CNTN5: variants seen among roughly 807,000 people sequenced by gnomAD.
The protein encoded by CNTN5 is contactin-5.
In CNTN5, 77 loss-of-function variants were observed where a neutral mutation model predicts 129.1. That is an observed-to-expected ratio of 0.60 (90% CI 0.50 to 0.72). CNTN5 has a LOEUF of 0.72. CNTN5 is among the 30% of genes least tolerant of loss of function. The pLI is 0.00. For synonymous variants in CNTN5, 509 were observed against 465.6 expected, an observed-to-expected ratio of 1.09 and a Z score of -1.20; for missense variants, 1,478 against 1,328.8, an observed-to-expected ratio of 1.11 and a Z score of -1.75.
At chr11:99,574,465 C>T (rs566968591) in intron 3 of CNTN5, among the ~76,000 whole-genome samples, 7 of 152,186 alleles carry the variant, frequency 4.6e-5, no homozygotes, top group Non-Finnish European at 7.3e-5. Context: ...GGTTCCAGAT[C>T]CTTGAGGAAT....
chr11:100,308,878 G>A, intron 21 of CNTN5: 2 of 984,116 alleles, frequency 2.0e-6, no homozygotes, highest in African/African-American at 1.7e-5. Flanking sequence ...ATCAAATTTT[G>A]CTTGGAATTT....
At chr11:100,244,762 T>C (rs1949809925) in intron 16 of CNTN5, among the ~76,000 whole-genome samples, 1 of 152,162 alleles carries the variant, frequency 6.6e-6, no homozygotes, top group Non-Finnish European at 1.5e-5. Context: ...TATTGGAAAA[T>C]TTTCAATCAT....
At chr11:99,926,686 G>T (rs1454394416) in intron 7 of CNTN5, among the ~76,000 whole-genome samples, 3 of 151,986 alleles carry the variant, frequency 2.0e-5, no homozygotes, top group African/African-American at 4.8e-5. Flanking sequence ...AAAAGTAATT[G>T]TTCCAAAAAT....
At chr11:99,200,068 T>G (rs1859097140) in intron 1 of CNTN5, among the ~76,000 whole-genome samples, 1 of 152,210 alleles carries the variant, frequency 6.6e-6, no homozygotes, top group South Asian at 2.1e-4. Flanking sequence ...ATTACCTAAA[T>G]TTGTTTAGTC....
intron 15 of CNTN5, 58 bp downstream of exon 15, chr11:100,193,721 A>G (rs1353351810): frequency 2.7e-6 from 4 of 1,476,238 alleles, no homozygotes; most frequent in Non-Finnish European, 2.8e-6. Context: ...TTTGAATCAA[A>G]TGTAAGACCT....
chr11:99,405,972 G>T (rs4754620), intron 2 of CNTN5, among the ~76,000 whole-genome samples: 218 of 220 alleles, frequency 0.99, 109 homozygotes, highest in Non-Finnish European at 1. Flanking sequence ...CGAATGGCTT[G>T]GAGTTTCCTC....
chr11:99,775,163 A>C (rs1236422203), intron 3 of CNTN5, among the ~76,000 whole-genome samples: 1 of 152,148 alleles, frequency 6.6e-6, no homozygotes, highest in African/African-American at 2.4e-5. Context: ...ATGCTTAGCC[A>C]TAAAAAGATT....
At chr11:100,133,709 G>A (rs1946444851) in intron 13 of CNTN5, among the ~76,000 whole-genome samples, 1 of 152,058 alleles carries the variant, frequency 6.6e-6, no homozygotes, top group South Asian at 2.1e-4. Flanking sequence ...GCAACAGTGA[G>A]CTTGACCCCC....
chr11:99,526,869 A>T (rs1947507094), intron 2 of CNTN5, among the ~76,000 whole-genome samples: 1 of 152,218 alleles, frequency 6.6e-6, no homozygotes, highest in Non-Finnish European at 1.5e-5. Flanking sequence ...CTGCTGCTAG[A>T]ATTGCTTTCC....
At chr11:99,494,883 G>C (rs1946166979) in intron 2 of CNTN5, among the ~76,000 whole-genome samples, 1 of 152,030 alleles carries the variant, frequency 6.6e-6, no homozygotes, top group Admixed American at 6.6e-5. Flanking sequence ...AACAGTATCT[G>C]TTCATTTTTT....
At chr11:99,818,543 G>A (rs545801428) in intron 3 of CNTN5, among the ~76,000 whole-genome samples, 106 of 151,394 alleles carry the variant, frequency 7.0e-4, no homozygotes, top group South Asian at 2.5e-3. Flanking sequence ...GGCATGAGCC[G>A]ACGTGCCTGG....
chr11:100,295,119 C>T (rs580605), intron 18 of CNTN5, among the ~76,000 whole-genome samples: 13 of 151,552 alleles, frequency 8.6e-5, no homozygotes, highest in South Asian at 2.1e-4. Context: ...TATTAAAACA[C>T]GGTGAGCCAT....
intron 3 of CNTN5, among the ~76,000 whole-genome samples, chr11:99,591,234 C>A (rs2135667566): frequency 6.6e-6 from 1 of 152,218 alleles, no homozygotes; most frequent in East Asian, 1.9e-4. Flanking sequence ...CAAATTTAAA[C>A]CCCTGCTAAC....
chr11:100,346,667 A>G (rs1952289437), intron 23 of CNTN5, among the ~76,000 whole-genome samples: 1 of 152,218 alleles, frequency 6.6e-6, no homozygotes, highest in East Asian at 1.9e-4. Flanking sequence ...CCTTCACCAA[A>G]TATCTCCCCT....
Position 99,529,768 on chromosome 11 carries a change from TA to T in CNTN5, c.-70-26370del, listed in dbSNP as rs576959662. Among the ~76,000 whole-genome samples the T allele has an allele frequency of 4.3e-3, 648 of 151,520 alleles. 1 individual carries two copies. The highest frequency in any genetic ancestry group is 7.3e-3 in the Non-Finnish European group (494 of 67,836). ...AACACAATATAAAAATAAAACAAGTTAAAAAAAGAACAAAGAACAAGGTAAA... is the reference window on the plus strand; with the variant it reads ...AACACAATATAAAAATAAAACAAGTTAAAAAAGAACAAAGAACAAGGTAAA... On this transcript the variant is annotated intron_variant, in intron 2 of 24. Transcript: ENST00000524871.
At chr11:99,413,156 C>CTAAT (rs1420205314) in intron 2 of CNTN5, among the ~76,000 whole-genome samples, 1 of 151,958 alleles carries the variant, frequency 6.6e-6, no homozygotes, top group Non-Finnish European at 1.5e-5. Context: ...ATCAAAGCAC[C>CTAAT]CTGAAAAAAA....
intron 6 of CNTN5, among the ~76,000 whole-genome samples, chr11:99,893,766 A>T (rs754172463): frequency 6.6e-6 from 1 of 152,226 alleles, no homozygotes; most frequent in Non-Finnish European, 1.5e-5. Flanking sequence ...ACATTAAGCT[A>T]ACCAACATCA....
At chr11:99,511,686 T>C (rs1004664238) in intron 2 of CNTN5, among the ~76,000 whole-genome samples, 23 of 152,014 alleles carry the variant, frequency 1.5e-4, no homozygotes, top group Non-Finnish European at 2.1e-4. Flanking sequence ...CTAAGTCTCT[T>C]TGTAGGTCAC....
At chr11:99,509,975 T>A (rs1017614748) in intron 2 of CNTN5, among the ~76,000 whole-genome samples, 1 of 151,418 alleles carries the variant, frequency 6.6e-6, no homozygotes, top group Non-Finnish European at 1.5e-5. Flanking sequence ...TATACAAATG[T>A]CGCTTAATCT....
Sources: gnomAD v4.1 joint callset for allele counts (sites outside exome capture counted in the v4.1 genomes callset) on GRCh38, gnomAD v4.1.1 for gene constraint, MANE v1.5 for transcripts, NCBI Gene and HGNC (gene_info 2026-07-23, HGNC 2026-07-21) for gene names.